VSTM1: variants seen among roughly 807,000 people sequenced by gnomAD.
The protein encoded by VSTM1 is V-set and transmembrane domain containing 1.
In VSTM1, 27 loss-of-function variants were observed where a neutral mutation model predicts 33.1. That is an observed-to-expected ratio of 0.82 (90% confidence interval 0.60 to 1.12). VSTM1 has a LOEUF of 1.12. VSTM1 is among the 50% of genes most tolerant of loss of function. The probability of loss-of-function intolerance (pLI) is 0.00; values close to 1 mark genes in which losing one functional copy is unlikely to be tolerated. For synonymous variants in VSTM1, 115 were observed against 110.3 expected, an observed-to-expected ratio of 1.04 and a Z score of -0.27; for missense variants, 304 against 288.9, an observed-to-expected ratio of 1.05 and a Z score of -0.38.
At chr19:54,041,212 G>A (rs2070245553) in intron 8 of VSTM1, 132 bp from the exon 9 acceptor site, 1 of 909,704 alleles carries the variant, frequency 1.1e-6, no homozygotes, top group East Asian at 3.3e-5. Context: ...CACACCAGAT[G>A]CATTTCTTTT....
At position 54,042,806 on chromosome 19, in the gene VSTM1, G is replaced by GTGTA. The variant is rs1213654028; in HGVS notation, c.395-438_395-437insTACA. 2.6e-4 allele frequency among the ~76,000 whole-genome samples: 15 copies of GTGTA among 57,952 alleles called. No individual in the cohort carries two copies. In the South Asian group the frequency reaches 5.5e-3, roughly 21 times the overall value. The allele number at this position is 57,952 out of a possible 152,430, so 38.0% of individuals were successfully genotyped here. ...TATATGTGTGTGTATATATAAATGT[G>GTGTA]TATATATATATATATATATATATAT... On this transcript the variant is annotated intron_variant, in intron 4 of 8. Coordinates refer to ENST00000338372, the MANE Select transcript of VSTM1 (RefSeq NM_198481.4).
rs1166076451 is a variant in VSTM1 at position 54,055,350 on chromosome 19, C to T, written c.355+2956G>A. Reference sequence around the variant, plus strand: ...GTTTTTGTGACACCGGGGAGGTCACCTAATCTCTATGAGCAAAAAGAAGTT... The same window carrying T: ...GTTTTTGTGACACCGGGGAGGTCACTTAATCTCTATGAGCAAAAAGAAGTT... On this transcript the variant is annotated intron_variant, in intron 3 of 8. Coordinates refer to ENST00000338372, the MANE Select transcript of VSTM1 (RefSeq NM_198481.4). Among the ~76,000 whole-genome samples the T allele has an allele frequency of 3.5e-5, 5 of 142,112 alleles. 2 individuals are homozygous for T. The highest frequency in any genetic ancestry group is 7.8e-5 in the Non-Finnish European group (5 of 64,454). The allele number at this position is 142,112 out of a possible 152,430, so 93.2% of individuals were successfully genotyped here.
chr19:54,058,826 GAT>G (rs34846502), intron 1 of VSTM1, 94 bp from the exon 2 acceptor site: 3,615 of 586,484 alleles, frequency 6.2e-3, no homozygotes, highest in East Asian at 9.0e-3. Flanking sequence ...ATAGGTCTGA[GAT>G]ATATATATAT....
chr19:54,055,307 G>A (rs62147267), intron 3 of VSTM1, among the ~76,000 whole-genome samples: 6,717 of 141,678 alleles, frequency 0.047, 1,252 homozygotes, highest in Non-Finnish European at 0.073. Flanking sequence ...TGTCTGAATA[G>A]CAACTGTGAA....
intron 1 of VSTM1, among the ~76,000 whole-genome samples, chr19:54,059,294 C>G (rs1205263227): frequency 1.3e-5 from 2 of 152,066 alleles, no homozygotes; most frequent in Non-Finnish European, 2.9e-5. Flanking sequence ...CTCCTGACCT[C>G]AGGTGATCCA....
chr19:54,041,964 G>A lies in VSTM1; in HGVS notation c.516-11C>T, dbSNP rs2070301454. On this transcript the variant is annotated splice_polypyrimidine_tract_variant and intron_variant, in intron 6 of 8. Coordinates refer to ENST00000338372, the MANE Select transcript of VSTM1 (RefSeq NM_198481.4). Reference sequence around the variant, plus strand: ...TTGGAATGGCTGGTTCTGAAAGAGAGAGACACACGTGAAAGGATGGGATGT... The same window carrying A: ...TTGGAATGGCTGGTTCTGAAAGAGAAAGACACACGTGAAAGGATGGGATGT... 1 of 1,614,190 alleles carries A rather than the reference G, an allele frequency of 6.2e-7. No homozygotes were observed. The highest frequency in any genetic ancestry group is 8.5e-7 in the Non-Finnish European group (1 of 1,180,036).
At chr19:54,055,197 C>A (rs1326987379) in intron 3 of VSTM1, among the ~76,000 whole-genome samples, 1 of 140,390 alleles carries the variant, frequency 7.1e-6, no homozygotes, top group African/African-American at 2.6e-5. Flanking sequence ...ATCTCTTAGC[C>A]CCACAATCCA....
chr19:54,060,191 C>G (rs1039297008), intron 1 of VSTM1, among the ~76,000 whole-genome samples: 3 of 152,206 alleles, frequency 2.0e-5, no homozygotes, highest in South Asian at 2.1e-4. Context: ...TAGAGAGAAT[C>G]TGCTCCCCCT....
Position 54,056,214 on chromosome 19 carries a change from C to CTTTTTTTTTTTTTT in VSTM1, c.355+2078_355+2091dup, listed in dbSNP as rs869203085. On this transcript the variant is annotated intron_variant, in intron 3 of 8. Coordinates refer to ENST00000338372, the MANE Select transcript of VSTM1 (RefSeq NM_198481.4). ...TTCTTTCTTTCTTTTCTTTTCTTTT[C>CTTTTTTTTTTTTTT]TTTTTTTTTTTTTTTTTTTTTTTTT... is the stretch of plus-strand genomic sequence containing the variant. Among the ~76,000 whole-genome samples, 9 of 39,176 alleles carry CTTTTTTTTTTTTTT rather than the reference C, an allele frequency of 2.3e-4. 1 individual carries two copies. The highest frequency in any genetic ancestry group is 6.8e-4 in the African/African-American group (7 of 10,288). 25.7% of individuals were successfully genotyped at this position (39,176 alleles called of 152,430 possible). A position where few individuals can be genotyped will look rare whatever the true frequency, so the allele number is the denominator to read the frequency against.
intron 3 of VSTM1, among the ~76,000 whole-genome samples, chr19:54,057,277 G>A (rs1278516478): frequency 1.4e-5 from 2 of 140,966 alleles, no homozygotes; most frequent in Non-Finnish European, 3.1e-5. Flanking sequence ...CCAGCACTTT[G>A]GGAGGCCAAG....
intron 3 of VSTM1, chr19:54,052,974 C>G (rs77931596): frequency 0.24 from 23,389 of 99,058 alleles, 4,289 homozygotes; most frequent in Middle Eastern, 0.32. Flanking sequence ...CGAGTGGGAC[C>G]CTGTCTCAAA....
Position 54,042,277 on chromosome 19 carries a change from T to C in VSTM1, c.487A>G (p.Ser163Gly), listed in dbSNP as rs2433724. 658,476 of 1,613,250 alleles carry C rather than the reference T, an allele frequency of 0.41. 138,162 individuals are homozygous for C. The highest frequency in any genetic ancestry group is 0.46 in the Admixed American group (27,808 of 59,892). Residue 163 changes from serine to glycine, a missense_variant and splice_region_variant, in exon 5 of 9, where the codon AGT becomes GGT. By Grantham distance (56) the Ser-to-Gly change is moderately conservative. Coordinates refer to ENST00000338372, the MANE Select transcript of VSTM1 (RefSeq NM_198481.4). ...CTCCCTTTGCGTTCTCTGAGCTCAC[T>C]GTGCTGGCTGCATCTGTAGATGATG... ...VFIIYRCSQH[S>G]SSSEESTKRT...
At chr19:54,054,144 C>T (rs57743146) in intron 3 of VSTM1, among the ~76,000 whole-genome samples, 31,898 of 141,290 alleles carry the variant, frequency 0.23, 7,964 homozygotes, top group Non-Finnish European at 0.29. Flanking sequence ...ATATGGAAGG[C>T]TGACCTGGAA....
intron 8 of VSTM1, among the ~76,000 whole-genome samples, chr19:54,041,294 T>A (rs562218396): frequency 7.8e-4 from 118 of 152,256 alleles, no homozygotes; most frequent in Middle Eastern, 3.4e-3. Context: ...TCATTTTTTT[T>A]AAATTTTTAT....
At chr19:54,043,519 C>A (rs983136783) in intron 4 of VSTM1, among the ~76,000 whole-genome samples, 9 of 152,134 alleles carry the variant, frequency 5.9e-5, no homozygotes, top group Non-Finnish European at 8.8e-5. Flanking sequence ...TCAAGCAATT[C>A]TCCTGCCTTA....
intron 6 of VSTM1, 75 bp downstream of exon 6, chr19:54,042,094 A>G (rs531720084): frequency 1.2e-6 from 2 of 1,610,186 alleles, no homozygotes; most frequent in South Asian, 1.1e-5. Flanking sequence ...CAGGGTGCCA[A>G]TCCCGGATGT....
At chr19:54,058,082 CACAA>C (rs1461461584) in intron 3 of VSTM1, among the ~76,000 whole-genome samples, 16 of 151,264 alleles carry the variant, frequency 1.1e-4, no homozygotes, top group African/African-American at 3.9e-4. Flanking sequence ...CTACTAAAAA[CACAA>C]ACAATTAGCT....
intron 4 of VSTM1, among the ~76,000 whole-genome samples, chr19:54,043,667 C>T (rs2070432492): frequency 6.6e-6 from 1 of 152,198 alleles, no homozygotes; most frequent in African/African-American, 2.4e-5. Context: ...CTGCCTCGGC[C>T]TCCCAAAGTG....
intron 4 of VSTM1, chr19:54,048,493 C>T (rs1024977292): frequency 1.1e-5 from 2 of 184,538 alleles, no homozygotes; most frequent in Admixed American, 6.0e-5. Flanking sequence ...TTATATAATA[C>T]CCACTGGGAT....
Sources: gnomAD v4.1 joint callset for allele counts (sites outside exome capture counted in the v4.1 genomes callset) on GRCh38, gnomAD v4.1.1 for gene constraint, MANE v1.5 for transcripts, NCBI Gene and HGNC (gene_info 2026-07-23, HGNC 2026-07-21) for gene names.